PTPRD: variants seen among roughly 807,000 people sequenced by gnomAD.
PTPRD encodes protein tyrosine phosphatase receptor type D, also known as receptor-type tyrosine-protein phosphatase delta.
A neutral mutation model predicts 214.5 loss-of-function variants in PTPRD; 34 were observed. That is an observed-to-expected ratio of 0.16 (90% confidence interval 0.12 to 0.21). PTPRD has a LOEUF of 0.21. Among genes scored for constraint, PTPRD ranks in the 10% least tolerant of loss-of-function variants. The probability of loss-of-function intolerance (pLI) is 1.00; values close to 1 mark genes in which losing one functional copy is unlikely to be tolerated. For synonymous variants in PTPRD, 1,128 were observed against 845.7 expected (o/e 1.33, Z -5.79); for missense variants, 2,545 against 2,398.7 (o/e 1.06, Z -1.27).
intron 2 of PTPRD, among the ~76,000 whole-genome samples, chr9:10,454,407 A>T (rs2098888258): frequency 6.6e-6 from 1 of 151,630 alleles, no homozygotes; most frequent in African/African-American, 2.4e-5. Context: ...TACATTCCTC[A>T]GAATACTTTT....
intron 3 of PTPRD, among the ~76,000 whole-genome samples, chr9:10,173,742 C>T (rs1280535237): frequency 6.6e-6 from 1 of 151,668 alleles, no homozygotes; most frequent in Non-Finnish European, 1.5e-5. Flanking sequence ...GCTGTCAGTC[C>T]TCATTCTTGA....
chr9:10,207,786 C>A (rs2099491209), intron 3 of PTPRD, among the ~76,000 whole-genome samples: 1 of 149,376 alleles, frequency 6.7e-6, no homozygotes, highest in Non-Finnish European at 1.5e-5. Context: ...GTATAAATGT[C>A]AAAAAAAATC....
At chr9:9,213,038 T>G (rs778837187) in intron 9 of PTPRD, among the ~76,000 whole-genome samples, 18 of 152,172 alleles carry the variant, frequency 1.2e-4, no homozygotes, top group Non-Finnish European at 2.1e-4. Context: ...GTGATTAAAA[T>G]TTTAATTATA....
At chr9:9,363,111 C>CTTTTTTTTTTTTTTTTTTTTTT (rs3048061) in intron 9 of PTPRD, among the ~76,000 whole-genome samples, 1 of 129,862 alleles carries the variant, frequency 7.7e-6, no homozygotes, top group African/African-American at 2.8e-5. Flanking sequence ...CTATTTTGTG[C>CTTTTTTTTTTTTTTTTTTTTTT]TTTTTTTTTT....
At chr9:9,816,910 GA>G (rs34409504) in intron 5 of PTPRD, among the ~76,000 whole-genome samples, 66,642 of 151,292 alleles carry the variant, frequency 0.44, 16,990 homozygotes, top group African/African-American at 0.71. Context: ...TAATAATAAA[GA>G]AAAAAAAGTT....
chr9:9,822,217 C>G (rs1019892324), intron 5 of PTPRD, among the ~76,000 whole-genome samples: 58 of 150,568 alleles, frequency 3.9e-4, no homozygotes, highest in African/African-American at 1.4e-3. Flanking sequence ...TCAAGACCAT[C>G]CTGGCCAACA....
chr9:9,963,668 A>G (rs979611988), intron 4 of PTPRD, among the ~76,000 whole-genome samples: 2 of 152,280 alleles, frequency 1.3e-5, no homozygotes, highest in East Asian at 3.9e-4. Context: ...CATGTAACAG[A>G]GCCTTTCCTT....
At chr9:8,527,901 T>C (rs1032494783) in intron 15 of PTPRD, among the ~76,000 whole-genome samples, 2 of 152,164 alleles carry the variant, frequency 1.3e-5, no homozygotes, top group African/African-American at 4.8e-5. Flanking sequence ...CGCACACTAC[T>C]GTGGCTAATG....
At chr9:8,788,223 T>C (rs1053005708) in intron 11 of PTPRD, among the ~76,000 whole-genome samples, 1 of 150,024 alleles carries the variant, frequency 6.7e-6, no homozygotes, top group Non-Finnish European at 1.5e-5. Context: ...TGGAAAAACA[T>C]AGCCAAATAT....
At chr9:10,444,006 T>G (rs1566071867) in intron 2 of PTPRD, among the ~76,000 whole-genome samples, 1 of 151,716 alleles carries the variant, frequency 6.6e-6, no homozygotes, top group Non-Finnish European at 1.5e-5. Context: ...TTTAAACCAG[T>G]TGCCCAACAT....
chr9:10,112,875 T>G (rs1052874175), intron 3 of PTPRD, among the ~76,000 whole-genome samples: 2 of 152,206 alleles, frequency 1.3e-5, no homozygotes, highest in African/African-American at 2.4e-5. Context: ...TATATGTGAC[T>G]AGTATAGACC....
At chr9:9,013,715 A>G (rs1199441849) in intron 11 of PTPRD, among the ~76,000 whole-genome samples, 1 of 152,068 alleles carries the variant, frequency 6.6e-6, no homozygotes, top group African/African-American at 2.4e-5. Context: ...AGCCAAGTCG[A>G]CTCAAAACTC....
chr9:10,016,779 C>T (rs2096726186), intron 4 of PTPRD, among the ~76,000 whole-genome samples: 1 of 151,756 alleles, frequency 6.6e-6, no homozygotes, highest in African/African-American at 2.4e-5. Flanking sequence ...AGCTTCCTAC[C>T]TTGGCCTCCA....
chr9:9,043,217 T>C (rs1415879980), intron 10 of PTPRD, among the ~76,000 whole-genome samples: 1 of 152,180 alleles, frequency 6.6e-6, no homozygotes, highest in Non-Finnish European at 1.5e-5. Context: ...CATTCTGTGT[T>C]GTTGGAAAAC....
intron 3 of PTPRD, among the ~76,000 whole-genome samples, chr9:10,209,622 T>C (rs1475624438): frequency 1.3e-5 from 2 of 152,106 alleles, no homozygotes; most frequent in African/African-American, 2.4e-5. Flanking sequence ...GACTTTATTT[T>C]TTATACTATA....
intron 3 of PTPRD, among the ~76,000 whole-genome samples, chr9:10,236,954 A>G (rs919141314): frequency 7.2e-5 from 11 of 151,976 alleles, no homozygotes; most frequent in Admixed American, 3.9e-4. Flanking sequence ...TGAATAGGTG[A>G]CTCACAGATA....
At chr9:9,883,060 C>T (rs901871473) in intron 5 of PTPRD, among the ~76,000 whole-genome samples, 4 of 152,126 alleles carry the variant, frequency 2.6e-5, no homozygotes, top group African/African-American at 9.7e-5. Flanking sequence ...GATGCTTGTA[C>T]AGCCTTCAGA....
At position 8,859,805 on chromosome 9, in the gene PTPRD, G is replaced by GGA. The variant is rs988439550; in HGVS notation, c.-103-125860_-103-125859insTC. ...ACGAAGTTTAGTTTTCCAGCAATTT[G>GGA]GGGGTGGGGGAGGAGCATCCCTGCA... On this transcript the variant is annotated intron_variant, in intron 11 of 45. Coordinates refer to ENST00000381196, the MANE Select transcript of PTPRD (RefSeq NM_002839.4). Among the ~76,000 whole-genome samples the GGA allele has an allele frequency of 2.4e-4, 13 of 53,620 alleles. No homozygotes were observed. The Admixed American group carries it at 2.9e-3, about 12-fold the overall frequency. The allele number at this position is 53,620 out of a possible 152,430, so 35.2% of individuals were successfully genotyped here.
At chr9:9,756,315 C>T (rs1358917058) in intron 6 of PTPRD, among the ~76,000 whole-genome samples, 3 of 152,112 alleles carry the variant, frequency 2.0e-5, no homozygotes, top group Non-Finnish European at 4.4e-5. Context: ...CTTTGATCCA[C>T]ACTTCCTGGA....
Sources: allele counts gnomAD v4.1 joint callset (sites outside exome capture counted in the v4.1 genomes callset), GRCh38; gene constraint gnomAD v4.1.1; transcripts MANE v1.5; gene names NCBI Gene and HGNC (gene_info 2026-07-23, HGNC 2026-07-21).